Variants in KCNIP4 observed in about 807,000 individuals in gnomAD.
KCNIP4 encodes the protein potassium voltage-gated channel interacting protein 4, also known as Kv channel-interacting protein 4.
A neutral mutation model predicts 34.0 loss-of-function variants in KCNIP4; 12 were observed. The ratio of observed to expected loss-of-function variants is 0.35; its 90% CI spans 0.23 to 0.57. The LOEUF (loss-of-function observed/expected upper bound fraction) is 0.57. Among genes scored for constraint, KCNIP4 ranks in the 20% least tolerant of loss-of-function variants. KCNIP4 has a pLI of 0.83. For synonymous variants in KCNIP4, 124 were observed against 102.2 expected (o/e 1.21, Z -1.29); for missense variants, 238 against 311.7 (o/e 0.76, Z 1.78).
rs572079397 is a variant in KCNIP4 at position 21,199,125 on chromosome 4, C to T, written c.62-316416G>A. Among the ~76,000 whole-genome samples, 11 of 152,242 alleles carry T rather than the reference C, an allele frequency of 7.2e-5. No homozygotes were observed. In the East Asian group the frequency reaches 1.4e-3, roughly 19 times the overall value. ...GCTGGGTCAAATGGTATTTCAAGTT[C>T]GAGATCCTTGAGGAATCGCCACACT... On this transcript the variant is annotated intron_variant, in intron 1 of 8. Coordinates refer to ENST00000382152, the MANE Select transcript of KCNIP4 (RefSeq NM_025221.6).
At chr4:20,753,179 A>C (rs1753938879) in intron 4 of KCNIP4, among the ~76,000 whole-genome samples, 1 of 152,176 alleles carries the variant, frequency 6.6e-6, no homozygotes, top group South Asian at 2.1e-4. Flanking sequence ...TTTACATTGA[A>C]CAAAGGTAAA....
chr4:21,611,141 C>T (rs898610192), intron 1 of KCNIP4, among the ~76,000 whole-genome samples: 3 of 152,194 alleles, frequency 2.0e-5, no homozygotes, highest in African/African-American at 4.8e-5. Context: ...CTACAAAGGA[C>T]ATGAACTCAT....
chr4:21,166,447 C>T (rs1753630177), intron 1 of KCNIP4, among the ~76,000 whole-genome samples: 1 of 152,234 alleles, frequency 6.6e-6, no homozygotes, highest in Middle Eastern at 3.4e-3. Context: ...GGAATGCTCA[C>T]AAGTGCTAGT....
intron 1 of KCNIP4, among the ~76,000 whole-genome samples, chr4:21,048,077 C>G (rs2149787896): frequency 6.6e-6 from 1 of 152,266 alleles, no homozygotes; most frequent in East Asian, 1.9e-4. Flanking sequence ...GCACCTATCT[C>G]CACAATTATT....
chr4:21,508,938 T>C (rs1018603299), intron 1 of KCNIP4, among the ~76,000 whole-genome samples: 3 of 152,156 alleles, frequency 2.0e-5, no homozygotes, highest in Non-Finnish European at 2.9e-5. Flanking sequence ...ATTCCTAACA[T>C]GGACACCTTC....
At chr4:21,452,805 A>G (rs996338680) in intron 1 of KCNIP4, among the ~76,000 whole-genome samples, 7 of 151,072 alleles carry the variant, frequency 4.6e-5, no homozygotes, top group African/African-American at 1.7e-4. Context: ...AAAACAGAAA[A>G]AAAGAAGTCC....
intron 4 of KCNIP4, among the ~76,000 whole-genome samples, chr4:20,750,451 C>T (rs529419050): frequency 1.0e-3 from 159 of 152,230 alleles, no homozygotes; most frequent in African/African-American, 3.7e-3. Context: ...TAGGGAGCCC[C>T]TACTCTGTCT....
chr4:21,442,594 T>C (rs1361227844), intron 1 of KCNIP4, among the ~76,000 whole-genome samples: 1 of 152,186 alleles, frequency 6.6e-6, no homozygotes, highest in Non-Finnish European at 1.5e-5. Context: ...CTCCTACAAT[T>C]TGTTGCTTCT....
intron 1 of KCNIP4, among the ~76,000 whole-genome samples, chr4:21,155,778 C>T (rs933172743): frequency 1.3e-5 from 2 of 152,270 alleles, no homozygotes; most frequent in East Asian, 1.9e-4. Flanking sequence ...AGTGGACTAG[C>T]ATTTGTTAGA....
chr4:20,756,445 G>C (rs537016209), intron 4 of KCNIP4, among the ~76,000 whole-genome samples: 1 of 151,950 alleles, frequency 6.6e-6, no homozygotes, highest in South Asian at 2.1e-4. Flanking sequence ...TTCTTTACCA[G>C]TCTTCCCTGT....
chr4:21,637,783 C>CA lies in KCNIP4; in HGVS notation c.61+310787dup, dbSNP rs3050028. On this transcript the variant is annotated intron_variant, in intron 1 of 8. Transcript: ENST00000382152. ...GGGTGACAAGAACAAAAGTCCGTCTCAAAAAAAAAAAAAAAAAAAAAGATG... is the reference window on the plus strand; with the variant it reads ...GGGTGACAAGAACAAAAGTCCGTCTCAAAAAAAAAAAAAAAAAAAAAAGATG... 2.7e-3 allele frequency among the ~76,000 whole-genome samples: 295 copies of CA among 109,382 alleles called. 1 individual carries two copies. Among genetic ancestry groups the CA allele is most frequent in the East Asian group, 6.6e-3 (24 of 3,628 alleles). The allele number at this position is 109,382 out of a possible 152,430, so 71.8% of individuals were successfully genotyped here. A position where few individuals can be genotyped will look rare whatever the true frequency, so the allele number is the denominator to read the frequency against.
chr4:21,931,767 G>C (rs1173572865), intron 1 of KCNIP4, among the ~76,000 whole-genome samples: 1 of 152,130 alleles, frequency 6.6e-6, no homozygotes, highest in African/African-American at 2.4e-5. Context: ...ATAGCAGCAT[G>C]ATTTATAATC....
chr4:20,831,494 T>C (rs924351826), intron 3 of KCNIP4, among the ~76,000 whole-genome samples: 12 of 152,122 alleles, frequency 7.9e-5, no homozygotes, highest in African/African-American at 2.9e-4. Context: ...GAAAAGGACA[T>C]GGCCACACTT....
chr4:21,398,873 C>A (rs1014957930), intron 1 of KCNIP4, among the ~76,000 whole-genome samples: 4 of 152,174 alleles, frequency 2.6e-5, no homozygotes, highest in Non-Finnish European at 4.4e-5. Context: ...ACTAGTTCTT[C>A]TTTTTATACC....
intron 1 of KCNIP4, among the ~76,000 whole-genome samples, chr4:21,940,754 T>G (rs1335922344): frequency 6.6e-6 from 1 of 152,180 alleles, no homozygotes; most frequent in Non-Finnish European, 1.5e-5. Flanking sequence ...AAATTAAAAT[T>G]TCTCTAAATT....
chr4:21,167,630 T>C (rs1333638063), intron 1 of KCNIP4, among the ~76,000 whole-genome samples: 1 of 152,236 alleles, frequency 6.6e-6, no homozygotes, highest in Non-Finnish European at 1.5e-5. Flanking sequence ...CAAAGCATTG[T>C]GCCCCTTAAA....
At chr4:21,347,889 C>T (rs143479665) in intron 1 of KCNIP4, among the ~76,000 whole-genome samples, 116 of 152,214 alleles carry the variant, frequency 7.6e-4, no homozygotes, top group African/African-American at 2.6e-3. Flanking sequence ...AAAAAATCTG[C>T]TTGTTCCATC....
At chr4:21,880,117 T>C (rs1265974587) in intron 1 of KCNIP4, among the ~76,000 whole-genome samples, 2 of 152,138 alleles carry the variant, frequency 1.3e-5, no homozygotes, top group Admixed American at 1.3e-4. Context: ...CTAATACATC[T>C]ATGTATAGTT....
At chr4:20,946,985 A>G (rs976661720) in intron 1 of KCNIP4, among the ~76,000 whole-genome samples, 27 of 152,302 alleles carry the variant, frequency 1.8e-4, no homozygotes, top group African/African-American at 6.0e-4. Context: ...AGTATACTGC[A>G]TAAGTGATGC....
Sources: gnomAD v4.1 joint callset for allele counts (sites outside exome capture counted in the v4.1 genomes callset) on GRCh38, gnomAD v4.1.1 for gene constraint, MANE v1.5 for transcripts, NCBI Gene and HGNC (gene_info 2026-07-23, HGNC 2026-07-21) for gene names.